The following NDUFB3 variants were observed in gnomAD, a reference collection of about 807,000 sequenced individuals.
NDUFB3 encodes the protein NADH:ubiquinone oxidoreductase subunit B3.
A neutral mutation model predicts 9.0 loss-of-function variants in NDUFB3; 7 were observed. That is an observed-to-expected ratio of 0.78 (90% CI 0.44 to 1.46). The LOEUF is 1.46. Among genes scored for constraint, NDUFB3 ranks in the 40% most tolerant of loss-of-function variants. NDUFB3 has a pLI of 0.01. For missense variants in NDUFB3, 93 were observed against 115.4 expected, an observed-to-expected ratio of 0.81 and a Z score of 0.89; for synonymous variants, 29 against 38.5, an observed-to-expected ratio of 0.75 and a Z score of 0.91.
chr2:201,078,406 C>CT (rs997727248), intron 1 of NDUFB3, among the ~76,000 whole-genome samples: 6 of 152,172 alleles, frequency 3.9e-5, no homozygotes, highest in African/African-American at 1.4e-4. Context: ...TGGAAAGTTA[C>CT]TTAATTGCTT....
chr2:201,082,207 G>GC (rs960900917), intron 2 of NDUFB3, among the ~76,000 whole-genome samples: 1 of 151,998 alleles, frequency 6.6e-6, no homozygotes, highest in Admixed American at 6.6e-5. Context: ...GCTCGCCTCA[G>GC]CCCCCCAAAG....
chr2:201,075,769 GA>G (rs1240910079), intron 1 of NDUFB3, among the ~76,000 whole-genome samples: 3 of 151,894 alleles, frequency 2.0e-5, no homozygotes, highest in Non-Finnish European at 4.4e-5. Flanking sequence ...TTGTAATTTT[GA>G]AATAGTCTTT....
At chr2:201,078,464 G>C (rs527959797) in intron 1 of NDUFB3, among the ~76,000 whole-genome samples, 1 of 152,146 alleles carries the variant, frequency 6.6e-6, no homozygotes, top group Non-Finnish European at 1.5e-5. Flanking sequence ...CATTATTTAA[G>C]TTCAAAGAGT....
intron 1 of NDUFB3, among the ~76,000 whole-genome samples, chr2:201,074,454 C>CT (rs370282012): frequency 0.23 from 25,672 of 113,134 alleles, 4,376 homozygotes; most frequent in African/African-American, 0.41. Context: ...ATATGTTCAG[C>CT]TTTTTTTTTT....
chr2:201,072,379 G>C lies in NDUFB3; in HGVS notation c.-3+320G>C, dbSNP rs2047089143. On this transcript the variant is annotated intron_variant, in intron 1 of 2. Coordinates refer to ENST00000237889, the MANE Select transcript of NDUFB3 (RefSeq NM_002491.3). ...CACTAAAAGTAATAACAGTTCATTT[G>C]TTTTTTATGTTCTAATATTCATATA... 2 of 152,136 alleles carry C rather than the reference G, an allele frequency of 1.3e-5. 1 individual carries two copies. Among genetic ancestry groups the C allele is most frequent in the South Asian group, 4.1e-4 (2 of 4,822 alleles). The allele number at this position is 152,136 out of a possible 1,614,324, so 9.4% of individuals were successfully genotyped here.
In NDUFB3 at chr2:201,073,873, T is replaced by G. The variant is rs1449869841; in HGVS notation, c.-3+1814T>G. On this transcript the variant is annotated intron_variant, in intron 1 of 2. Transcript: ENST00000237889. ...TCCATAAATATAAACCTTTGATCTGTGATTATGTTTATAAGATTTACAGTT... is the reference window on the plus strand; with the variant it reads ...TCCATAAATATAAACCTTTGATCTGGGATTATGTTTATAAGATTTACAGTT... Among the ~76,000 whole-genome samples, 9 of 152,170 alleles carry G rather than the reference T, an allele frequency of 5.9e-5. No individual in the cohort carries two copies. The East Asian group carries it at 1.7e-3, about 29-fold the overall frequency.
chr2:201,074,111 C>A (rs2047132486), intron 1 of NDUFB3, among the ~76,000 whole-genome samples: 1 of 151,952 alleles, frequency 6.6e-6, no homozygotes, highest in Non-Finnish European at 1.5e-5. Context: ...TGCTACCATG[C>A]CCAGCTAATT....
At chr2:201,078,856 A>T in intron 1 of NDUFB3, 25 bp from the exon 2 acceptor site, 1 of 1,591,280 alleles carries the variant, frequency 6.3e-7, no homozygotes, top group Non-Finnish European at 8.5e-7. Flanking sequence ...CATATTTCTC[A>T]CTTGTGTTAA....
chr2:201,075,613 A>G (rs2047156238), intron 1 of NDUFB3, among the ~76,000 whole-genome samples: 1 of 152,016 alleles, frequency 6.6e-6, no homozygotes, highest in South Asian at 2.1e-4. Context: ...TTCCTATGAA[A>G]AGGATACTTC....
At chr2:201,078,801 T>G (rs991799869) in intron 1 of NDUFB3, 80 bp from the exon 2 acceptor site, 1 of 1,367,218 alleles carries the variant, frequency 7.3e-7, no homozygotes, top group African/African-American at 1.5e-5. Context: ...ATGCTTTACC[T>G]TAAAACATAA....
chr2:201,082,412 A>G (rs1323283593), intron 2 of NDUFB3, among the ~76,000 whole-genome samples: 5 of 149,076 alleles, frequency 3.4e-5, no homozygotes, highest in African/African-American at 1.2e-4. Flanking sequence ...CTACAGGTGC[A>G]TGCCGCCATG....
At position 201,078,916 on chromosome 2, in the gene NDUFB3, C is replaced by T. The variant is rs182420107; in HGVS notation, c.34C>T (p.His12Tyr). ...AHEHGHEHGH[H>Y]KMELPDYRQW... ...TGAACATGGACATGAGCATGGACATCATAAAATGGAACTTCCAGATTATAG... is the reference window on the plus strand; with the variant it reads ...TGAACATGGACATGAGCATGGACATTATAAAATGGAACTTCCAGATTATAG... The change falls in exon 2 of 3, where the codon CAT becomes TAT. Residue 12 changes from histidine to tyrosine, a missense_variant. By Grantham distance (83) the His-to-Tyr change is moderately conservative. Transcript: ENST00000237889. 2.5e-6 allele frequency: 4 copies of T among 1,612,308 alleles called. No homozygotes were observed. The East Asian group carries it at 6.7e-5, about 27-fold the overall frequency.
intron 2 of NDUFB3, 89 bp from the exon 3 acceptor site, chr2:201,085,370 A>C (rs1410194297): frequency 1.0e-6 from 1 of 1,004,658 alleles, no homozygotes; most frequent in Non-Finnish European, 1.4e-6. Flanking sequence ...GTAGCATTTA[A>C]GTCAATTAGA....
At position 201,082,463 on chromosome 2, in the gene NDUFB3, C is replaced by T. The variant is rs115130279; in HGVS notation, c.141-2996C>T. Among the ~76,000 whole-genome samples the T allele has an allele frequency of 7.4e-3, 1,124 of 151,930 alleles. 19 individuals are homozygous for T. Among genetic ancestry groups the T allele is most frequent in the African/African-American group, 0.026 (1,086 of 41,438 alleles). ...TATTTTTTGTTGAGACGAGGTTTTC[C>T]TGTGTTGCCCAGGCTGGTCTCAAAA... On this transcript the variant is annotated intron_variant, in intron 2 of 2. Coordinates refer to ENST00000237889, the MANE Select transcript of NDUFB3 (RefSeq NM_002491.3).
chr2:201,085,384 A>T lies in NDUFB3; in HGVS notation c.141-75A>T, dbSNP rs1470066620. 2.6e-6 allele frequency: 3 copies of T among 1,164,188 alleles called. No individual in the cohort carries two copies. The African/African-American group carries it at 4.6e-5, about 18-fold the overall frequency. 72.1% of individuals were successfully genotyped at this position (1,164,188 alleles called of 1,614,324 possible). A position where few individuals can be genotyped will look rare whatever the true frequency, so the allele number is the denominator to read the frequency against. ...GGTAGCATTTAAGTCAATTAGAAAG[A>T]TGAAAATTAAATGTCTTCAACGTAT... On this transcript the variant is annotated intron_variant, in intron 2 of 2. Coordinates refer to ENST00000237889, the MANE Select transcript of NDUFB3 (RefSeq NM_002491.3).
At chr2:201,073,707 G>T (rs1172678917) in intron 1 of NDUFB3, among the ~76,000 whole-genome samples, 2 of 152,128 alleles carry the variant, frequency 1.3e-5, no homozygotes, top group South Asian at 2.1e-4. Flanking sequence ...GGCGGAGGTT[G>T]CAGTGAGCCG....
chr2:201,076,308 G>C (rs1304857981), intron 1 of NDUFB3, among the ~76,000 whole-genome samples: 1 of 151,806 alleles, frequency 6.6e-6, no homozygotes, highest in Non-Finnish European at 1.5e-5. Flanking sequence ...CCAGGAGTTT[G>C]AGACCAGCCT....
intron 1 of NDUFB3, among the ~76,000 whole-genome samples, chr2:201,077,760 AGT>A (rs563959228): frequency 2.7e-3 from 410 of 152,292 alleles, no homozygotes; most frequent in African/African-American, 9.2e-3. Flanking sequence ...TATTTGCGGT[AGT>A]GTGTTTTCTC....
rs868800707 is a variant in NDUFB3 at position 201,081,410 on chromosome 2, G to A, written c.140+2388G>A. Among the ~76,000 whole-genome samples, 7 of 151,854 alleles carry A rather than the reference G, an allele frequency of 4.6e-5. No homozygotes were observed. The East Asian group carries it at 5.9e-4, about 13-fold the overall frequency. On this transcript the variant is annotated intron_variant, in intron 2 of 2. Coordinates refer to ENST00000237889, the MANE Select transcript of NDUFB3 (RefSeq NM_002491.3). Reference sequence around the variant, plus strand: ...AGACAGGAGAATCACTTGAACCCGCGAGGCTGAGGTTGCAATGAACCAAGA... The same window carrying A: ...AGACAGGAGAATCACTTGAACCCGCAAGGCTGAGGTTGCAATGAACCAAGA...
Sources: gnomAD v4.1 joint callset for allele counts (sites outside exome capture counted in the v4.1 genomes callset) on GRCh38, gnomAD v4.1.1 for gene constraint, MANE v1.5 for transcripts, NCBI Gene and HGNC (gene_info 2026-07-23, HGNC 2026-07-21) for gene names.